The following RP1L1 variants were observed in gnomAD, a reference collection of about 807,000 sequenced individuals.
RP1L1 encodes RP1 like 1.
RP1L1 carries 27 observed loss-of-function variants against 15.7 expected under a neutral mutation model. That is an observed-to-expected ratio of 1.72 (90% CI 1.27 to 2.38). RP1L1 has a LOEUF of 2.38. RP1L1 is among the 30% of genes most tolerant of loss of function. The pLI, the probability that RP1L1 is intolerant of heterozygous loss-of-function variation, is 0.00. For missense variants in RP1L1, 4,798 were observed against 3,075.9 expected, an observed-to-expected ratio of 1.56 and a Z score of -13.24; for synonymous variants, 1,813 against 1,276.7, an observed-to-expected ratio of 1.42 and a Z score of -8.96.
At position 10,613,366 on chromosome 8, in the gene RP1L1, A is replaced by C; in HGVS notation, c.752-20T>G. Reference sequence around the variant, plus strand: ...AGCTCCCTGGCACGCAGTGAAGAGGAAAAGAAAAGAAGAAAAGACTGTGAG... The same window carrying C: ...AGCTCCCTGGCACGCAGTGAAGAGGCAAAGAAAAGAAGAAAAGACTGTGAG... On this transcript the variant is annotated intron_variant, in intron 3 of 3. Transcript: ENST00000382483. 6.3e-7 allele frequency: 1 copy of C among 1,599,124 alleles called. No individual in the cohort carries two copies. The highest frequency in any genetic ancestry group is 1.1e-5 in the South Asian group (1 of 91,084).
intron 1 of RP1L1, among the ~76,000 whole-genome samples, chr8:10,636,780 C>A (rs2117250666): frequency 6.6e-6 from 1 of 152,330 alleles, no homozygotes; most frequent in African/African-American, 2.4e-5. Flanking sequence ...GGGCCTGACC[C>A]CTCCCCTGCC....
rs1041317341 is a variant in RP1L1, at chr8:10,609,390, C to A, written c.4708G>T (p.Asp1570Tyr). ...TTCTGGAGCTCTCTCTTGGTGCTGTCCTGGAGGCGTTGGGCCACGTCCTGC... is the reference window on the plus strand; with the variant it reads ...TTCTGGAGCTCTCTCTTGGTGCTGTACTGGAGGCGTTGGGCCACGTCCTGC... ...LQQDVAQRLQ[D>Y]STKRELQKLQ... The change falls in exon 4 of 4, where the codon GAC becomes TAC. Residue 1570 changes from aspartate (D) to tyrosine (Y), a missense_variant. By Grantham distance (160) the Asp-to-Tyr change is radical. Transcript: ENST00000382483. 17 of 1,612,386 alleles carry A rather than the reference C, an allele frequency of 1.1e-5. No individual in the cohort carries two copies. Among genetic ancestry groups the A allele is most frequent in the Non-Finnish European group, 1.4e-5 (16 of 1,179,946 alleles).
chr8:10,619,983 A>G (rs529703703), intron 2 of RP1L1, among the ~76,000 whole-genome samples: 4 of 140,426 alleles, frequency 2.8e-5, no homozygotes, highest in Non-Finnish European at 6.2e-5. Flanking sequence ...AAAAAAAAAG[A>G]TGTTGAGAGA....
intron 2 of RP1L1, among the ~76,000 whole-genome samples, chr8:10,619,206 C>G (rs1798019771): frequency 6.6e-6 from 1 of 152,218 alleles, no homozygotes; most frequent in South Asian, 2.1e-4. Flanking sequence ...CAGCCCATTT[C>G]CTGAACTCCC....
At position 10,611,818 on chromosome 8, in the gene RP1L1, G is replaced by A. The variant is rs372662692; in HGVS notation, c.2280C>T (p.Ala760=). The change falls in exon 4 of 4, where the codon GCC becomes GCT. Residue 760 remains alanine (A), a synonymous_variant. Transcript: ENST00000382483. The part of the protein sequence containing the change: ...SGVSPHNAPS[A]GWAGDAGSRT... ...TGGACCCCGCGTCCCCTGCCCACCC[G>A]GCAGAGGGAGCGTTGTGCGGGGAGA... The A allele has an allele frequency of 1.4e-5, 23 of 1,613,540 alleles. No individual in the cohort carries two copies. The highest frequency in any genetic ancestry group is 5.0e-5 in the Admixed American group (3 of 60,018).
chr8:10,629,409 A>C (rs943548673), intron 1 of RP1L1, among the ~76,000 whole-genome samples: 15 of 152,164 alleles, frequency 9.9e-5, no homozygotes, highest in Non-Finnish European at 1.9e-4. Flanking sequence ...GTAAATGGGA[A>C]GGAATAGGGA....
rs62490855 is a variant in RP1L1, at chr8:10,609,650, G to A, written c.4448C>T (p.Ala1483Val). 245,733 of 1,609,712 alleles carry A rather than the reference G, an allele frequency of 0.15. 22,272 individuals are homozygous for A. Among genetic ancestry groups the A allele is most frequent in the South Asian group, 0.38 (34,424 of 91,056 alleles). Residue 1483 changes from alanine (A) to valine (V), a missense_variant, in exon 4 of 4, where the codon GCC becomes GTC. Coordinates refer to ENST00000382483, the MANE Select transcript of RP1L1 (RefSeq NM_178857.6). ...LEPGLEKPPG[A>V]TMMGQEHTQA... ...CGTGTGCTCTTGGCCCATCATGGTG[G>A]CTCCGGGCGGCTTTTCCAAACCAGG...
chr8:10,617,546 C>CTGTTTTTTTTTTTTTT (rs1554453571), intron 2 of RP1L1, among the ~76,000 whole-genome samples: 1 of 63,388 alleles, frequency 1.6e-5, no homozygotes, highest in African/African-American at 6.2e-5. Flanking sequence ...GTTTCTTTTT[C>CTGTTTTTTTTTTTTTT]TTTTTTTTTT....
intron 1 of RP1L1, among the ~76,000 whole-genome samples, chr8:10,623,651 G>A (rs1230814937): frequency 6.9e-6 from 1 of 145,520 alleles, no homozygotes; most frequent in South Asian, 2.2e-4. Flanking sequence ...CCCCAGCATT[G>A]CCATGTCCCC....
At position 10,611,178 on chromosome 8, in the gene RP1L1, C is replaced by T. The variant is rs368218711; in HGVS notation, c.2920G>A (p.Glu974Lys). ...IPEEPILMTY[E>K]LADETTGAAG... is the part of the protein sequence containing the mutation. ...GCACCTGTGGTCTCGTCCGCCAACT[C>T]ATATGTCATGAGTATGGGCTCTTCT... Residue 974 changes from glutamate to lysine, a missense_variant, in exon 4 of 4, where the codon GAG becomes AAG. Physicochemically the swap from Glu to Lys is moderately conservative, Grantham distance 56. Coordinates refer to ENST00000382483, the MANE Select transcript of RP1L1 (RefSeq NM_178857.6). 1.2e-6 allele frequency: 2 copies of T among 1,612,990 alleles called. No individual in the cohort carries two copies. The highest frequency in any genetic ancestry group is 2.2e-5 in the East Asian group (1 of 44,878).
intron 2 of RP1L1, among the ~76,000 whole-genome samples, chr8:10,619,772 C>A (rs772775733): frequency 1.3e-5 from 2 of 151,074 alleles, no homozygotes; most frequent in Non-Finnish European, 3.0e-5. Flanking sequence ...ACTAAAAATA[C>A]AAAAAAAACC....
Position 10,610,487 on chromosome 8 carries a change from C to T in RP1L1, c.3611G>A (p.Ser1204Asn), listed in dbSNP as rs1392091073. The change falls in exon 4 of 4, where the codon AGC (serine) becomes AAC (asparagine). Residue 1204 changes from serine to asparagine, a missense_variant. Transcript: ENST00000382483. The stretch of plus-strand genomic sequence containing the variant: ...CTCCCCTGAGCCTCCAGAGCCGCTG[C>T]TGATGTCCACACCAGAGGAGGATGT... Reference protein sequence around the residue: ...TPTSSSGVDISSGSGGSGESS... With the variant: ...TPTSSSGVDINSGSGGSGESS... 3 of 1,613,820 alleles carry T rather than the reference C, an allele frequency of 1.9e-6. No individual in the cohort carries two copies. Among genetic ancestry groups the T allele is most frequent in the Admixed American group, 1.7e-5 (1 of 60,026 alleles).
Position 10,612,445 on chromosome 8 carries a change from C to T in RP1L1, c.1653G>A (p.Arg551=), listed in dbSNP as rs993859687. 2 of 1,612,622 alleles carry T rather than the reference C, an allele frequency of 1.2e-6. No homozygotes were observed. The highest frequency in any genetic ancestry group is 1.7e-5 in the Admixed American group (1 of 60,034). The change falls in exon 4 of 4, where the codon CGG becomes CGA. Residue 551 remains arginine, a synonymous_variant. Transcript: ENST00000382483. The part of the protein sequence containing the change: ...SHEGSSEWGG[R]PQGCPGKARA... ...TTGCCTTGCCTGGACAGCCCTGGGG[C>T]CGCCCACCCCATTCGCTGGATCCCT...
chr8:10,621,391 T>A (rs1016284760), intron 2 of RP1L1: 1 of 265,156 alleles, frequency 3.8e-6, no homozygotes, highest in Non-Finnish European at 7.4e-6. Flanking sequence ...CAGTGTATGA[T>A]CTTGGCTCAC....
intron 1 of RP1L1, among the ~76,000 whole-genome samples, chr8:10,634,877 C>T (rs1320933394): frequency 6.6e-6 from 1 of 152,174 alleles, no homozygotes; most frequent in East Asian, 1.9e-4. Context: ...CCTCAAGGGA[C>T]ACCAAGGGTC....
Position 10,612,007 on chromosome 8 carries a change from C to T in RP1L1, c.2091G>A (p.Gln697=). 1 of 1,613,862 alleles carries T rather than the reference C, an allele frequency of 6.2e-7. No homozygotes were observed. Among genetic ancestry groups the T allele is most frequent in the South Asian group, 1.1e-5 (1 of 91,088 alleles). The part of the protein sequence containing the change: ...PRPPERRRAC[Q]DGSVPRYSGS... ...CAGAATATCGTGGCACTGAGCCATC[C>T]TGGCAGGCCCTTCGCCGCTCAGGAG... The change falls in exon 4 of 4, where the codon CAG becomes CAA. Residue 697 remains glutamine, a synonymous_variant. Coordinates refer to ENST00000382483, the MANE Select transcript of RP1L1 (RefSeq NM_178857.6).
rs1196751851 is a variant in RP1L1, at chr8:10,622,699, A to G, written c.503T>C (p.Val168Ala). ...CCTAGTATTCCTGTGACTGAGAACC[A>G]CTGTCTGCTGGAGGCGAGGGTCCAT... ...KNMDPRLQQT[V>A]VLSHRNTRNL... Residue 168 changes from valine to alanine, a missense_variant, in exon 2 of 4, where the codon GTG becomes GCG. Val to Ala is a moderately conservative substitution (Grantham distance 64). Coordinates refer to ENST00000382483, the MANE Select transcript of RP1L1 (RefSeq NM_178857.6). The G allele has an allele frequency of 3.1e-6, 5 of 1,613,938 alleles. No homozygotes were observed. Among genetic ancestry groups the G allele is most frequent in the Non-Finnish European group, 4.2e-6 (5 of 1,180,028 alleles).
intron 1 of RP1L1, among the ~76,000 whole-genome samples, chr8:10,648,571 C>T (rs1270512391): frequency 1.3e-5 from 2 of 152,112 alleles, no homozygotes; most frequent in East Asian, 1.9e-4. Context: ...ATAAACATCA[C>T]GAGGAACAAT....
In RP1L1 at chr8:10,607,518, C is replaced by G. The variant is rs778622040; in HGVS notation, c.6580G>C (p.Glu2194Gln). 1.2e-6 allele frequency: 2 copies of G among 1,606,968 alleles called. No individual in the cohort carries two copies. Among genetic ancestry groups the G allele is most frequent in the African/African-American group, 2.7e-5 (2 of 74,798 alleles). Reference sequence around the variant, plus strand: ...TCTGCCTCTGGGGCCTCTATACCTTCTGACTCTGGCTGGGCCTCCCCTTCT... The same window carrying G: ...TCTGCCTCTGGGGCCTCTATACCTTGTGACTCTGGCTGGGCCTCCCCTTCT... ...EAEGEAQPES[E>Q]GIEAPEAEGE... The change falls in exon 4 of 4, where the codon GAA becomes CAA. Residue 2194 changes from glutamate (E) to glutamine (Q), a missense_variant. Transcript: ENST00000382483.
Sources: allele counts gnomAD v4.1 joint callset (sites outside exome capture counted in the v4.1 genomes callset), GRCh38; gene constraint gnomAD v4.1.1; transcripts MANE v1.5; gene names NCBI Gene and HGNC (gene_info 2026-07-23, HGNC 2026-07-21).